ARFIP1: variants seen among roughly 807,000 people sequenced by gnomAD.
ARFIP1 encodes the protein arfaptin-1.
In ARFIP1, 24 loss-of-function variants were observed where a neutral mutation model predicts 42.5. The observed-to-expected ratio is 0.57, with a 90% CI of 0.41 to 0.80. ARFIP1 has a LOEUF of 0.80. Ranked by LOEUF, ARFIP1 falls within the 30% of genes least tolerant of loss-of-function variation. The probability of loss-of-function intolerance (pLI) is 0.00; values close to 1 mark genes in which losing one functional copy is unlikely to be tolerated. For missense variants in ARFIP1, 354 were observed against 434.0 expected, an observed-to-expected ratio of 0.82 and a Z score of 1.64; for synonymous variants, 141 against 153.7, an observed-to-expected ratio of 0.92 and a Z score of 0.61.
At chr4:152,909,502 T>C (rs1401122062) in intron 8 of ARFIP1, among the ~76,000 whole-genome samples, 1 of 152,242 alleles carries the variant, frequency 6.6e-6, no homozygotes, top group African/African-American at 2.4e-5. Flanking sequence ...GGTTAAAATA[T>C]ACTCTTGATA....
intron 2 of ARFIP1, among the ~76,000 whole-genome samples, chr4:152,833,284 A>G (rs555065032): frequency 6.6e-6 from 1 of 152,286 alleles, no homozygotes; most frequent in East Asian, 1.9e-4. Context: ...GGTATGTGAA[A>G]AGGTGCTCAA....
intron 2 of ARFIP1, among the ~76,000 whole-genome samples, chr4:152,830,724 C>G (rs576207419): frequency 2.6e-5 from 4 of 152,220 alleles, no homozygotes; most frequent in African/African-American, 9.6e-5. Context: ...TTGGCACATT[C>G]CTGGCCTCTT....
At chr4:152,893,014 A>C (rs1203967564) in intron 8 of ARFIP1, among the ~76,000 whole-genome samples, 1 of 152,220 alleles carries the variant, frequency 6.6e-6, no homozygotes, top group Non-Finnish European at 1.5e-5. Context: ...TTTCTTTCAG[A>C]GTTCAAAACA....
intron 5 of ARFIP1, among the ~76,000 whole-genome samples, chr4:152,878,175 A>G (rs1735524851): frequency 6.6e-6 from 1 of 152,208 alleles, no homozygotes; most frequent in East Asian, 1.9e-4. Context: ...TGAATTTAGC[A>G]TCATTTGTCC....
intron 1 of ARFIP1, among the ~76,000 whole-genome samples, chr4:152,825,545 CAA>C (rs1730765622): frequency 6.6e-6 from 1 of 152,146 alleles, no homozygotes; most frequent in South Asian, 2.1e-4. Flanking sequence ...AAAATTAACT[CAA>C]GATGGATTAA....
intron 2 of ARFIP1, among the ~76,000 whole-genome samples, chr4:152,838,226 T>C (rs1731804859): frequency 6.6e-6 from 1 of 152,184 alleles, no homozygotes; most frequent in Non-Finnish European, 1.5e-5. Flanking sequence ...AGATGTGTTG[T>C]TTTTGTTTAG....
At chr4:152,869,593 C>T (rs1016870349) in intron 3 of ARFIP1, among the ~76,000 whole-genome samples, 7 of 152,032 alleles carry the variant, frequency 4.6e-5, no homozygotes, top group African/African-American at 1.7e-4. Flanking sequence ...GGACTACAGG[C>T]TTGTGCCACC....
chr4:152,822,240 A>G (rs1730429780), intron 1 of ARFIP1, among the ~76,000 whole-genome samples: 1 of 151,834 alleles, frequency 6.6e-6, no homozygotes, highest in Non-Finnish European at 1.5e-5. Context: ...TTGAAATCAA[A>G]AGCAAGCAAG....
intron 1 of ARFIP1, chr4:152,795,986 A>G (rs2149819432): frequency 3.7e-6 from 2 of 536,286 alleles, no homozygotes; most frequent in Admixed American, 2.6e-5. Flanking sequence ...GCTGTTTGGT[A>G]GTACTCAGAA....
chr4:152,844,876 A>G (rs1293500689), intron 2 of ARFIP1, among the ~76,000 whole-genome samples: 3 of 152,154 alleles, frequency 2.0e-5, no homozygotes, highest in Admixed American at 6.5e-5. Flanking sequence ...TAAAATTCAT[A>G]TAGAACCAAA....
chr4:152,800,421 T>TCC (rs1233287642), intron 1 of ARFIP1, among the ~76,000 whole-genome samples: 1 of 152,156 alleles, frequency 6.6e-6, no homozygotes, highest in African/African-American at 2.4e-5. Context: ...AAGGTCAACA[T>TCC]AGCTTTTAAG....
At chr4:152,862,353 C>G (rs1733961151) in intron 2 of ARFIP1, among the ~76,000 whole-genome samples, 1 of 151,880 alleles carries the variant, frequency 6.6e-6, no homozygotes, top group Non-Finnish European at 1.5e-5. Flanking sequence ...ATTTCCTCTT[C>G]TGAATTCTTA....
At chr4:152,818,548 C>T (rs1332282814) in intron 1 of ARFIP1, among the ~76,000 whole-genome samples, 3 of 152,210 alleles carry the variant, frequency 2.0e-5, no homozygotes, top group Non-Finnish European at 4.4e-5. Flanking sequence ...AAGCTCCCAA[C>T]TGAGATTTGT....
chr4:152,899,653 A>G (rs922666361), intron 8 of ARFIP1, among the ~76,000 whole-genome samples: 2 of 152,116 alleles, frequency 1.3e-5, no homozygotes, highest in Non-Finnish European at 2.9e-5. Context: ...GCCTTTCTCC[A>G]GTTAAAGCAC....
chr4:152,874,809 A>C (rs569113871), intron 5 of ARFIP1, among the ~76,000 whole-genome samples: 57 of 152,158 alleles, frequency 3.7e-4, no homozygotes, highest in Middle Eastern at 6.8e-3. Flanking sequence ...GGATACAGGC[A>C]GGCATCACCA....
intron 1 of ARFIP1, chr4:152,809,783 A>G (rs190105032): frequency 3.3e-4 from 50 of 152,314 alleles, no homozygotes; most frequent in African/African-American, 1.2e-3. Context: ...TCATGTTACA[A>G]TGCTAATTCT....
chr4:152,803,036 T>C (rs1055918050), intron 1 of ARFIP1, among the ~76,000 whole-genome samples: 2 of 152,120 alleles, frequency 1.3e-5, no homozygotes. Flanking sequence ...GGGAGGAGAA[T>C]TACTGTGTAT....
At chr4:152,825,462 A>G (rs1730758330) in intron 1 of ARFIP1, among the ~76,000 whole-genome samples, 1 of 152,204 alleles carries the variant, frequency 6.6e-6, no homozygotes, top group South Asian at 2.1e-4. Context: ...CACACTATTC[A>G]ATAAATGGTG....
chr4:152,887,728 A>G (rs758137087), intron 7 of ARFIP1, among the ~76,000 whole-genome samples: 9 of 152,022 alleles, frequency 5.9e-5, no homozygotes, highest in Non-Finnish European at 5.9e-5. Flanking sequence ...TTTCAGAACC[A>G]TTTACACTTC....
Sources: gnomAD v4.1 joint callset for allele counts (sites outside exome capture counted in the v4.1 genomes callset) on GRCh38, gnomAD v4.1.1 for gene constraint, MANE v1.5 for transcripts, NCBI Gene and HGNC (gene_info 2026-07-23, HGNC 2026-07-21) for gene names.